NRG3: variants seen among roughly 807,000 people sequenced by gnomAD.
NRG3 encodes the protein neuregulin 3.
In NRG3, 31 loss-of-function variants were observed where a neutral mutation model predicts 66.9. The ratio of observed to expected loss-of-function variants is 0.46; its 90% CI spans 0.35 to 0.63. The LOEUF is 0.63. NRG3 is among the 20% of genes least tolerant of loss of function. The pLI is 0.00. For missense variants in NRG3, 910 were observed against 878.9 expected, an observed-to-expected ratio of 1.04 and a Z score of -0.45; for synonymous variants, 393 against 359.4, an observed-to-expected ratio of 1.09 and a Z score of -1.06.
chr10:82,933,589 G>T (rs1847789693), intron 4 of NRG3, among the ~76,000 whole-genome samples: 1 of 152,092 alleles, frequency 6.6e-6, no homozygotes, highest in African/African-American at 2.4e-5. Context: ...CGTCTTTATA[G>T]CCAAAGTATA....
At chr10:82,806,325 T>C (rs140833349) in intron 3 of NRG3, among the ~76,000 whole-genome samples, 1 of 152,330 alleles carries the variant, frequency 6.6e-6, no homozygotes, top group Admixed American at 6.5e-5. Context: ...TCTGAATACT[T>C]AGATAAGACG....
At chr10:82,083,651 A>G (rs572276313) in intron 1 of NRG3, among the ~76,000 whole-genome samples, 19 of 147,784 alleles carry the variant, frequency 1.3e-4, no homozygotes, top group Admixed American at 2.7e-4. Context: ...CTGGAGTCCA[A>G]TGGTGCGATC....
chr10:82,679,333 G>A (rs1024485691), intron 2 of NRG3, among the ~76,000 whole-genome samples: 2 of 152,092 alleles, frequency 1.3e-5, no homozygotes, highest in African/African-American at 4.8e-5. Flanking sequence ...CTAAGTAATT[G>A]TTTAAATTCC....
At chr10:82,112,822 T>C (rs1420389175) in intron 1 of NRG3, among the ~76,000 whole-genome samples, 1 of 152,150 alleles carries the variant, frequency 6.6e-6, no homozygotes, top group Admixed American at 6.5e-5. Context: ...GCAATGGATA[T>C]GTATTTCAGT....
intron 1 of NRG3, among the ~76,000 whole-genome samples, chr10:82,019,745 C>A (rs991152202): frequency 6.6e-6 from 1 of 152,116 alleles, no homozygotes; most frequent in Non-Finnish European, 1.5e-5. Flanking sequence ...ATAGTATTCT[C>A]TGATGGTAGT....
chr10:82,741,471 T>C (rs1426401792), intron 3 of NRG3, among the ~76,000 whole-genome samples: 2 of 152,036 alleles, frequency 1.3e-5, no homozygotes, highest in Non-Finnish European at 2.9e-5. Context: ...ATGGACAGAG[T>C]CAATGCCAGA....
intron 3 of NRG3, among the ~76,000 whole-genome samples, chr10:82,830,886 A>G (rs926659720): frequency 8.5e-5 from 13 of 152,194 alleles, no homozygotes; most frequent in African/African-American, 3.1e-4. Flanking sequence ...AATTTATTAT[A>G]TACAGATTTC....
intron 1 of NRG3, among the ~76,000 whole-genome samples, chr10:81,948,476 C>A (rs976385418): frequency 2.6e-5 from 4 of 152,202 alleles, no homozygotes. Context: ...TCACTCCCAG[C>A]TGATTTGGAG....
intron 2 of NRG3, among the ~76,000 whole-genome samples, chr10:82,525,273 GA>G (rs573174592): frequency 1.3e-5 from 2 of 150,510 alleles, no homozygotes; most frequent in African/African-American, 4.9e-5. Context: ...TTTTACTCTG[GA>G]AAAAAAAATC....
At chr10:82,927,217 T>C (rs1478309415) in intron 4 of NRG3, among the ~76,000 whole-genome samples, 1 of 152,132 alleles carries the variant, frequency 6.6e-6, no homozygotes, top group East Asian at 1.9e-4. Flanking sequence ...AGCCTGACAG[T>C]CTCTTTATTT....
At chr10:82,637,366 A>T (rs2050271910) in intron 2 of NRG3, among the ~76,000 whole-genome samples, 1 of 152,176 alleles carries the variant, frequency 6.6e-6, no homozygotes, top group African/African-American at 2.4e-5. Flanking sequence ...AATGAATAAG[A>T]TAAATATTTG....
chr10:82,276,027 C>G (rs2078831782), intron 1 of NRG3, among the ~76,000 whole-genome samples: 1 of 151,928 alleles, frequency 6.6e-6, no homozygotes, highest in Admixed American at 6.6e-5. Context: ...TGAACATACT[C>G]ATACATACTG....
chr10:82,361,925 A>G (rs1221661356), intron 2 of NRG3, among the ~76,000 whole-genome samples: 4 of 151,930 alleles, frequency 2.6e-5, no homozygotes, highest in Non-Finnish European at 4.4e-5. Context: ...TATTTCCTAG[A>G]TTAAAAAAAA....
chr10:82,149,684 A>G (rs2070549130), intron 1 of NRG3, among the ~76,000 whole-genome samples: 1 of 150,750 alleles, frequency 6.6e-6, no homozygotes, highest in South Asian at 2.1e-4. Flanking sequence ...CTTGTAGTGG[A>G]TGCTGGGAAT....
rs114335220 is a variant in NRG3 at position 82,882,071 on chromosome 10, T to C, written c.1054+16634T>C. 2.3e-3 allele frequency among the ~76,000 whole-genome samples: 347 copies of C among 152,334 alleles called. 1 individual carries two copies. The highest frequency in any genetic ancestry group is 8.0e-3 in the African/African-American group (333 of 41,578). On this transcript the variant is annotated intron_variant, in intron 4 of 8. Coordinates refer to ENST00000372141, the MANE Select transcript of NRG3 (RefSeq NM_001010848.4). Reference sequence around the variant, plus strand: ...CCATTCAGAAGCACGTTCTCTTCTTTTAACACGCCGTGATTGTCCATGCCC... The same window carrying C: ...CCATTCAGAAGCACGTTCTCTTCTTCTAACACGCCGTGATTGTCCATGCCC...
At chr10:82,232,832 G>A (rs565225770) in intron 1 of NRG3, 4 of 717,334 alleles carry the variant, frequency 5.6e-6, no homozygotes, top group African/African-American at 5.2e-5. Context: ...AAGTTGTAAG[G>A]CATGGCCTTT....
At chr10:82,475,846 C>T (rs1236627639) in intron 2 of NRG3, among the ~76,000 whole-genome samples, 1 of 152,066 alleles carries the variant, frequency 6.6e-6, no homozygotes, top group African/African-American at 2.4e-5. Flanking sequence ...AATTGAACTA[C>T]ATCAAAATTA....
At chr10:82,171,845 G>A (rs935089646) in intron 1 of NRG3, among the ~76,000 whole-genome samples, 8 of 152,130 alleles carry the variant, frequency 5.3e-5, no homozygotes, top group Admixed American at 2.0e-4. Context: ...AGAATCTTAA[G>A]AAGTGTCATG....
intron 1 of NRG3, among the ~76,000 whole-genome samples, chr10:82,256,191 G>T (rs113934452): frequency 0.018 from 2,779 of 152,252 alleles, 105 homozygotes; most frequent in African/African-American, 0.064. Flanking sequence ...TAAAGTGCTG[G>T]GATTACAGGC....
Sources: gnomAD v4.1 joint callset for allele counts (sites outside exome capture counted in the v4.1 genomes callset) on GRCh38, gnomAD v4.1.1 for gene constraint, MANE v1.5 for transcripts, NCBI Gene and HGNC (gene_info 2026-07-23, HGNC 2026-07-21) for gene names.